CNTN5: variants seen among roughly 807,000 people sequenced by gnomAD.
CNTN5 encodes the protein contactin-5.
Under a neutral mutation model 129.1 loss-of-function variants are expected in CNTN5, and 77 were observed. That is an observed-to-expected ratio of 0.60 (90% CI 0.50 to 0.72). CNTN5 has a LOEUF of 0.72. Ranked by LOEUF, CNTN5 falls within the 30% of genes least tolerant of loss-of-function variation. The probability of loss-of-function intolerance (pLI) is 0.00; values close to 1 mark genes in which losing one functional copy is unlikely to be tolerated. For synonymous variants in CNTN5, 509 were observed against 465.6 expected (o/e 1.09, Z -1.20); for missense variants, 1,478 against 1,328.8 (o/e 1.11, Z -1.75).
intron 7 of CNTN5, among the ~76,000 whole-genome samples, chr11:99,952,009 G>A (rs1180720248): frequency 6.6e-6 from 1 of 152,162 alleles, no homozygotes; most frequent in East Asian, 1.9e-4. Flanking sequence ...GTATGATGGT[G>A]AAGAAGGTAG....
chr11:99,852,428 C>T (rs962804452), intron 6 of CNTN5, among the ~76,000 whole-genome samples: 2 of 152,192 alleles, frequency 1.3e-5, no homozygotes, highest in African/African-American at 4.8e-5. Flanking sequence ...CCTCTTGCCT[C>T]AATCTTCCAA....
intron 21 of CNTN5, among the ~76,000 whole-genome samples, chr11:100,333,473 C>G (rs1235505287): frequency 6.9e-6 from 1 of 145,942 alleles, no homozygotes; most frequent in Non-Finnish European, 1.5e-5. Flanking sequence ...GCCCATGTAG[C>G]CAAAGCAAGA....
chr11:99,349,620 ACAG>A (rs749980501), intron 2 of CNTN5, among the ~76,000 whole-genome samples: 21 of 152,342 alleles, frequency 1.4e-4, no homozygotes, highest in South Asian at 4.1e-4. Flanking sequence ...ACTTGGAATG[ACAG>A]CAGGTCCGGT....
At chr11:100,088,288 G>A (rs185828168) in intron 13 of CNTN5, among the ~76,000 whole-genome samples, 2 of 151,922 alleles carry the variant, frequency 1.3e-5, no homozygotes, top group Middle Eastern at 3.4e-3. Flanking sequence ...CTTGAAACAT[G>A]AGAAACATCT....
chr11:99,535,174 A>G (rs1398356911), intron 2 of CNTN5, among the ~76,000 whole-genome samples: 1 of 152,170 alleles, frequency 6.6e-6, no homozygotes, highest in East Asian at 1.9e-4. Context: ...GTAAAAAACA[A>G]ACTGGAGGGA....
chr11:100,252,813 C>T (rs1236016474), intron 16 of CNTN5, among the ~76,000 whole-genome samples: 2 of 152,152 alleles, frequency 1.3e-5, no homozygotes, highest in African/African-American at 4.8e-5. Context: ...GACTTCTTCA[C>T]AGAATGGCAA....
At chr11:100,218,643 C>A in intron 15 of CNTN5, among the ~76,000 whole-genome samples, 1 of 152,192 alleles carries the variant, frequency 6.6e-6, no homozygotes, top group East Asian at 1.9e-4. Context: ...CCACAAATTA[C>A]GTAGCCAGTC....
At chr11:99,478,187 A>G (rs1945455111) in intron 2 of CNTN5, among the ~76,000 whole-genome samples, 1 of 152,150 alleles carries the variant, frequency 6.6e-6, no homozygotes, top group South Asian at 2.1e-4. Flanking sequence ...GCCTTCCTCC[A>G]GTCTCTCACA....
intron 3 of CNTN5, among the ~76,000 whole-genome samples, chr11:99,687,380 T>C (rs1953841429): frequency 1.3e-5 from 2 of 152,156 alleles, no homozygotes; most frequent in Non-Finnish European, 2.9e-5. Flanking sequence ...AAACATAAAG[T>C]AGTTTAGTAG....
intron 2 of CNTN5, among the ~76,000 whole-genome samples, chr11:99,333,603 C>T (rs1866093200): frequency 6.6e-6 from 1 of 151,904 alleles, no homozygotes; most frequent in African/African-American, 2.4e-5. Context: ...GTATTTGATA[C>T]TAAGCTAGCA....
At chr11:99,217,982 C>A (rs1190901118) in intron 1 of CNTN5, among the ~76,000 whole-genome samples, 1 of 152,050 alleles carries the variant, frequency 6.6e-6, no homozygotes, top group Non-Finnish European at 1.5e-5. Flanking sequence ...TTTTGATACT[C>A]CCTATTTCTT....
At chr11:99,386,551 G>T (rs571324535) in intron 2 of CNTN5, among the ~76,000 whole-genome samples, 3 of 152,018 alleles carry the variant, frequency 2.0e-5, no homozygotes. Flanking sequence ...TCTTGGTTTC[G>T]GTGGGTTTTA....
In CNTN5 at chr11:99,348,620, T is replaced by G. The variant is rs150456774; in HGVS notation, c.-71+23136T>G. 2.6e-4 allele frequency among the ~76,000 whole-genome samples: 39 copies of G among 152,312 alleles called. No individual in the cohort carries two copies. The East Asian group carries it at 7.5e-3, about 29-fold the overall frequency. On this transcript the variant is annotated intron_variant, in intron 2 of 24. Transcript: ENST00000524871. ...AATCACTTCTTCTGGATAGATGGCA[T>G]GGTCCCAAGATCCTTCAGATCCATC... is the stretch of plus-strand genomic sequence containing the variant.
At chr11:99,474,453 A>G (rs574486905) in intron 2 of CNTN5, among the ~76,000 whole-genome samples, 1 of 152,170 alleles carries the variant, frequency 6.6e-6, no homozygotes, top group South Asian at 2.1e-4. Flanking sequence ...ATATTATACC[A>G]TTAATTATTA....
intron 2 of CNTN5, among the ~76,000 whole-genome samples, chr11:99,352,565 A>C (rs1331829551): frequency 6.6e-6 from 1 of 152,158 alleles, no homozygotes; most frequent in Non-Finnish European, 1.5e-5. Context: ...CCTATTCCTA[A>C]AGTTGAAACA....
intron 2 of CNTN5, among the ~76,000 whole-genome samples, chr11:99,549,548 C>T (rs551269175): frequency 1.3e-5 from 2 of 152,202 alleles, no homozygotes; most frequent in South Asian, 2.1e-4. Context: ...ACATCTAGTA[C>T]GTTTTTCTCT....
chr11:99,916,321 A>G (rs1488312817), intron 7 of CNTN5, among the ~76,000 whole-genome samples, 172 bp downstream of exon 7: 1 of 152,168 alleles, frequency 6.6e-6, no homozygotes, highest in Non-Finnish European at 1.5e-5. Flanking sequence ...AAATATCATT[A>G]GACAGGATAC....
intron 13 of CNTN5, among the ~76,000 whole-genome samples, chr11:100,118,757 A>C (rs1001610192): frequency 8.6e-5 from 13 of 151,902 alleles, no homozygotes; most frequent in South Asian, 2.1e-4. Flanking sequence ...AATGCATAGA[A>C]TGTGTTTTCT....
intron 1 of CNTN5, among the ~76,000 whole-genome samples, chr11:99,189,799 G>C (rs887122689): frequency 6.6e-6 from 1 of 151,222 alleles, no homozygotes; most frequent in African/African-American, 2.4e-5. Context: ...ATATATTTTA[G>C]GTGTTAACCC....
Sources: gnomAD v4.1 joint callset for allele counts (sites outside exome capture counted in the v4.1 genomes callset) on GRCh38, gnomAD v4.1.1 for gene constraint, MANE v1.5 for transcripts, NCBI Gene and HGNC (gene_info 2026-07-23, HGNC 2026-07-21) for gene names.